COQ7: variants seen among roughly 807,000 people sequenced by gnomAD.
The protein encoded by COQ7 is NADPH-dependent 3-demethoxyubiquinone 3-hydroxylase, mitochondrial.
Under a neutral mutation model 25.0 loss-of-function variants are expected in COQ7, and 21 were observed. The observed-to-expected ratio is 0.84, with a 90% CI of 0.60 to 1.21. The LOEUF (loss-of-function observed/expected upper bound fraction) is 1.21, where lower values mean the gene tolerates loss of function less well. Ranked by LOEUF, COQ7 falls within the 50% of genes most tolerant of loss-of-function variation. The pLI is 0.00. For missense variants in COQ7, 311 were observed against 296.2 expected (o/e 1.05, Z -0.37); for synonymous variants, 125 against 112.4 (o/e 1.11, Z -0.71).
chr16:19,071,841 C>G (rs1346451549), intron 1 of COQ7, 87 bp from the exon 2 acceptor site: 2 of 1,485,970 alleles, frequency 1.3e-6, no homozygotes, highest in Non-Finnish European at 1.9e-6. Context: ...TTTGTGACCT[C>G]CATCCCAAAG....
intron 2 of COQ7, among the ~76,000 whole-genome samples, chr16:19,072,641 C>T (rs999164883): frequency 6.6e-6 from 1 of 152,294 alleles, no homozygotes; most frequent in East Asian, 1.9e-4. Context: ...GGGTCTGGCC[C>T]ATAAAGGTCA....
chr16:19,076,283 T>TG (rs1962836065), intron 4 of COQ7, among the ~76,000 whole-genome samples: 1 of 134,300 alleles, frequency 7.4e-6, no homozygotes, highest in Non-Finnish European at 1.6e-5. Context: ...TTTTAAGAGA[T>TG]GGGGTCTCAC....
In COQ7 at chr16:19,072,077, G is replaced by C; in HGVS notation, c.223G>C (p.Gly75Arg). 6.2e-7 allele frequency: 1 copy of C among 1,614,154 alleles called. No homozygotes were observed. The highest frequency in any genetic ancestry group is 8.5e-7 in the Non-Finnish European group (1 of 1,180,022). ...CTATGCCGGGCAGATGGCTGTCCTG[G>C]GTCGGACCAGCGTCGGGCCAGTCAT... Reference protein sequence around the residue: ...RIYAGQMAVLGRTSVGPVIQK... With the variant: ...RIYAGQMAVLRRTSVGPVIQK... The change falls in exon 2 of 6, where the codon GGT becomes CGT. Residue 75 changes from glycine (G) to arginine (R), a missense_variant. Gly to Arg is a moderately radical substitution (Grantham distance 125). Coordinates refer to ENST00000321998, the MANE Select transcript of COQ7 (RefSeq NM_016138.5).
At position 19,067,682 on chromosome 16, in the gene COQ7, G is replaced by C. The variant is rs368237702; in HGVS notation, c.18G>C (p.Ala6=). The part of the protein sequence containing the change: MSCAG[A]AAAPRLWRLR... ...TTCCGGCAATGAGTTGCGCCGGGGCGGCGGCGGCTCCCCGCCTTTGGCGGC... is the reference window on the plus strand; with the variant it reads ...TTCCGGCAATGAGTTGCGCCGGGGCCGCGGCGGCTCCCCGCCTTTGGCGGC... The change falls in exon 1 of 6, where the codon GCG becomes GCC. Residue 6 remains alanine, a synonymous_variant. Coordinates refer to ENST00000321998, the MANE Select transcript of COQ7 (RefSeq NM_016138.5). 9.3e-6 allele frequency: 15 copies of C among 1,611,178 alleles called. No individual in the cohort carries two copies. The highest frequency in any genetic ancestry group is 1.2e-5 in the Non-Finnish European group (14 of 1,178,810).
Position 19,072,265 on chromosome 16 carries a change from A to G in COQ7, c.252+159A>G, listed in dbSNP as rs551883278. On this transcript the variant is annotated intron_variant, in intron 2 of 5. Coordinates refer to ENST00000321998, the MANE Select transcript of COQ7 (RefSeq NM_016138.5). ...TTGGTGGAGATGGGGAGCAAAAAGC[A>G]TATTGTTCTTTTTATGGATAAAGCA... 17 of 768,488 alleles carry G rather than the reference A, an allele frequency of 2.2e-5. No individual in the cohort carries two copies. The South Asian group carries it at 2.4e-4, about 11-fold the overall frequency. 47.6% of individuals were successfully genotyped at this position (768,488 alleles called of 1,614,324 possible).
At position 19,067,656 on chromosome 16, in the gene COQ7, G is replaced by A. The variant is rs771666518; in HGVS notation, c.-9G>A. 5 of 1,613,338 alleles carry A rather than the reference G, an allele frequency of 3.1e-6. No homozygotes were observed. Among genetic ancestry groups the A allele is most frequent in the Non-Finnish European group, 4.2e-6 (5 of 1,179,700 alleles). ...TTCAACGAAGTGGTTGCTTTTTTTA[G>A]TTCCGGCAATGAGTTGCGCCGGGGC... is the stretch of plus-strand genomic sequence containing the variant. On this transcript the variant is annotated 5_prime_UTR_variant, in exon 1 of 6. Coordinates refer to ENST00000321998, the MANE Select transcript of COQ7 (RefSeq NM_016138.5).
chr16:19,082,312 T>C (rs1216219133), downstream of COQ7, among the ~76,000 whole-genome samples: 1 of 152,162 alleles, frequency 6.6e-6, no homozygotes, highest in Non-Finnish European at 1.5e-5. Context: ...ATGTACTTAA[T>C]GTCAATGGAA....
chr16:19,082,757 AC>A (rs1963117318), downstream of COQ7, among the ~76,000 whole-genome samples: 2 of 149,506 alleles, frequency 1.3e-5, no homozygotes, highest in Non-Finnish European at 3.0e-5. Flanking sequence ...ACAGAGTGAG[AC>A]TCTGTCTAAA....
Position 19,072,310 on chromosome 16 carries a change from TAGAC to T in COQ7, c.252+207_252+210del, listed in dbSNP as rs945571912. The T allele has an allele frequency of 1.7e-5, 10 of 598,258 alleles. No homozygotes were observed. In the African/African-American group the frequency reaches 1.7e-4, roughly 10 times the overall value. 37.1% of individuals were successfully genotyped at this position (598,258 alleles called of 1,614,324 possible). On this transcript the variant is annotated intron_variant, in intron 2 of 5. Coordinates refer to ENST00000321998, the MANE Select transcript of COQ7 (RefSeq NM_016138.5). ...AAAGCACAGAGAGACATCTAGTACA[TAGAC>T]AGGTATGCGGTATATCTTTGGTATC...
chr16:19,071,763 T>C (rs1301041313), intron 1 of COQ7, 165 bp from the exon 2 acceptor site: 2 of 664,430 alleles, frequency 3.0e-6, no homozygotes, highest in African/African-American at 3.6e-5. Context: ...TTAGGTAAAA[T>C]CCTCTGTTTT....
At chr16:19,075,237 C>G (rs1460234691) in intron 3 of COQ7, among the ~76,000 whole-genome samples, 1 of 116,100 alleles carries the variant, frequency 8.6e-6, no homozygotes, top group Non-Finnish European at 1.7e-5. Context: ...GAGTCTTGTT[C>G]TGTCACCCAC....
intron 2 of COQ7, 142 bp downstream of exon 2, chr16:19,072,248 G>A: frequency 1.1e-6 from 1 of 927,774 alleles, no homozygotes; most frequent in Admixed American, 2.8e-5. Context: ...TCTTGGTGGA[G>A]ATGGGGAGCA....
intron 3 of COQ7, chr16:19,074,247 CG>C: frequency 2.3e-6 from 1 of 426,958 alleles, no homozygotes; most frequent in African/African-American, 2.0e-5. Flanking sequence ...AAAAAAAGGC[CG>C]GGCGTGATGG....
intron 3 of COQ7, 148 bp from the exon 4 acceptor site, chr16:19,075,573 T>C (rs1282531920): frequency 3.9e-6 from 3 of 777,866 alleles, no homozygotes; most frequent in East Asian, 5.9e-5. Context: ...TGCAGTTAAA[T>C]ATCCCACCAT....
At chr16:19,082,934 C>T (rs145813464), downstream of COQ7, among the ~76,000 whole-genome samples, 13 of 151,690 alleles carry the variant, frequency 8.6e-5, no homozygotes, top group East Asian at 2.1e-3. Flanking sequence ...GATTAGTGGT[C>T]GTCTAGGGCT....
chr16:19,077,603 T>TTTTTTTTTTTTTTTTTTTTTC (rs1001368417), intron 5 of COQ7, among the ~76,000 whole-genome samples: 3 of 142,334 alleles, frequency 2.1e-5, no homozygotes, highest in Non-Finnish European at 3.1e-5. Context: ...TTTTTTTTTT[T>TTTTTTTTTTTTTTTTTTTTTC]TCCCAGACAC....
chr16:19,076,881 C>T (rs7185369), intron 4 of COQ7, among the ~76,000 whole-genome samples: 20,681 of 152,166 alleles, frequency 0.14, 1,499 homozygotes, highest in South Asian at 0.19. Context: ...CGTGAGCCAC[C>T]GCGCCCGGCC....
At chr16:19,077,886 G>T (rs754546943) in intron 5 of COQ7, among the ~76,000 whole-genome samples, 195 bp from the exon 6 acceptor site, 6 of 152,042 alleles carry the variant, frequency 3.9e-5, no homozygotes, top group Non-Finnish European at 7.4e-5. Context: ...TGAGAATCTG[G>T]ATGACTCCAA....
chr16:19,079,040 G>A lies in COQ7; in HGVS notation c.*882G>A, dbSNP rs1963007232. The A allele has an allele frequency of 1.3e-5, 2 of 152,172 alleles. No homozygotes were observed. Among genetic ancestry groups the A allele is most frequent in the South Asian group, 2.1e-4 (1 of 4,826 alleles). The allele number at this position is 152,172 out of a possible 1,614,324, so 9.4% of individuals were successfully genotyped here. A position where few individuals can be genotyped will look rare whatever the true frequency, so the allele number is the denominator to read the frequency against. ...AGTTGATAGAAGGTGGGGCCCTTGG[G>A]AAGTGTGAGGTCATGAGAGTGGAGC... is the stretch of plus-strand genomic sequence containing the variant. On this transcript the variant is annotated 3_prime_UTR_variant, in exon 6 of 6. Transcript: ENST00000321998.
Sources: gnomAD v4.1 joint callset for allele counts (sites outside exome capture counted in the v4.1 genomes callset) on GRCh38, gnomAD v4.1.1 for gene constraint, MANE v1.5 for transcripts, NCBI Gene and HGNC (gene_info 2026-07-23, HGNC 2026-07-21) for gene names.